Variants in C1RL observed in about 807,000 individuals in gnomAD.
C1RL encodes the protein complement C1r subcomponent-like protein.
In C1RL, 27 loss-of-function variants were observed where a neutral mutation model predicts 27.9. That is an observed-to-expected ratio of 0.97 (90% CI 0.71 to 1.33). The LOEUF (loss-of-function observed/expected upper bound fraction) is 1.33. C1RL is among the 40% of genes most tolerant of loss of function. The probability of loss-of-function intolerance (pLI) is 0.00; values close to 1 mark genes in which losing one functional copy is unlikely to be tolerated. For missense variants in C1RL, 563 were observed against 623.9 expected (o/e 0.90, Z 1.04); for synonymous variants, 248 against 252.1 (o/e 0.98, Z 0.15).
In C1RL at chr12:7,094,932, A is replaced by C; in HGVS notation, c.*1459T>G. On this transcript the variant is annotated 3_prime_UTR_variant, in exon 6 of 6. Transcript: ENST00000266542. ...ACTGTATGTGGGTGTAAAAAACAGA[A>C]GTAATCACATGTATGTACAACTTTG... 1.8e-6 allele frequency: 2 copies of C among 1,085,054 alleles called. No individual in the cohort carries two copies. The highest frequency in any genetic ancestry group is 2.3e-6 in the Non-Finnish European group (2 of 887,790). The allele number at this position is 1,085,054 out of a possible 1,614,324, so 67.2% of individuals were successfully genotyped here. A position where few individuals can be genotyped will look rare whatever the true frequency, so the allele number is the denominator to read the frequency against.
chr12:7,101,767 G>C (rs1938630967), intron 3 of C1RL, 131 bp downstream of exon 3: 6 of 948,284 alleles, frequency 6.3e-6, no homozygotes, highest in Non-Finnish European at 9.9e-6. Flanking sequence ...GGGCAGGGCT[G>C]GGATCCAGCC....
rs1285742278 is a variant in C1RL, at chr12:7,095,598, C to T, written c.*793G>A. 9.1e-6 allele frequency: 9 copies of T among 985,590 alleles called. No individual in the cohort carries two copies. The South Asian group carries it at 3.8e-4, about 41-fold the overall frequency. 61.1% of individuals were successfully genotyped at this position (985,590 alleles called of 1,614,324 possible). ...CTAGAGGATACCATTTTCGCAGAAG[C>T]AGGAATTCCCAGGGAGGGAAAATGG... On this transcript the variant is annotated 3_prime_UTR_variant, in exon 6 of 6. Transcript: ENST00000266542.
chr12:7,102,174 C>G, intron 2 of C1RL, 87 bp from the exon 3 acceptor site: 1 of 1,387,564 alleles, frequency 7.2e-7, no homozygotes, highest in East Asian at 2.3e-5. Context: ...CTCGGTGTGA[C>G]TCCTGCCCCA....
intron 5 of C1RL, among the ~76,000 whole-genome samples, chr12:7,098,125 G>C (rs1369660146): frequency 2.6e-5 from 4 of 151,968 alleles, no homozygotes; most frequent in African/African-American, 7.2e-5. Context: ...AAAAAAATTA[G>C]CCGGCCGTGG....
chr12:7,097,580 C>T (rs1412917810), intron 5 of C1RL, among the ~76,000 whole-genome samples: 2 of 152,138 alleles, frequency 1.3e-5, no homozygotes, highest in African/African-American at 4.8e-5. Context: ...CCGCGCCTGG[C>T]CGGGATCAGG....
chr12:7,101,984 A>C lies in C1RL; in HGVS notation c.404T>G (p.Leu135Trp), dbSNP rs1358822061. ...QREFVSSGRS[L>W]RLTFRTQPSS... ...AGGCTGTGTGCGGAAGGTCAGCCGC[A>C]AACTCCTCCCTGAGGATACAAACTC... The change falls in exon 3 of 6, where the codon TTG becomes TGG. Residue 135 changes from leucine (L) to tryptophan (W), a missense_variant. Transcript: ENST00000266542. 1 of 1,614,096 alleles carries C rather than the reference A, an allele frequency of 6.2e-7. No individual in the cohort carries two copies. Among genetic ancestry groups the C allele is most frequent in the Non-Finnish European group, 8.5e-7 (1 of 1,180,036 alleles).
intron 3 of C1RL, among the ~76,000 whole-genome samples, chr12:7,101,111 C>CTCCTCCCTCCCTCCTTCTT (rs1938608443): frequency 1.8e-4 from 2 of 11,140 alleles, no homozygotes; most frequent in African/African-American, 7.4e-4. Context: ...CCTTCCTTCC[C>CTCCTCCCTCCCTCCTTCTT]TCCCTCCCTC....
Position 7,096,147 on chromosome 12 carries a change from A to C in C1RL, c.*244T>G. ...GCTTCCCGGGGCCTAGTGCATGAGCACAGGGAGGTAGAGGGTGAGGAGGAG... is the reference window on the plus strand; with the variant it reads ...GCTTCCCGGGGCCTAGTGCATGAGCCCAGGGAGGTAGAGGGTGAGGAGGAG... On this transcript the variant is annotated 3_prime_UTR_variant, in exon 6 of 6. Coordinates refer to ENST00000266542, the MANE Select transcript of C1RL (RefSeq NM_016546.4). 7.7e-7 allele frequency: 1 copy of C among 1,303,282 alleles called. No individual in the cohort carries two copies. Among genetic ancestry groups the C allele is most frequent in the Non-Finnish European group, 9.7e-7 (1 of 1,026,556 alleles). The allele number at this position is 1,303,282 out of a possible 1,614,324, so 80.7% of individuals were successfully genotyped here.
In C1RL at chr12:7,095,050, G is replaced by T; in HGVS notation, c.*1341C>A. 8.6e-7 allele frequency: 1 copy of T among 1,158,164 alleles called. No individual in the cohort carries two copies. Among genetic ancestry groups the T allele is most frequent in the Non-Finnish European group, 1.1e-6 (1 of 926,958 alleles). The allele number at this position is 1,158,164 out of a possible 1,614,324, so 71.7% of individuals were successfully genotyped here. The stretch of plus-strand genomic sequence containing the variant: ...AAATTACCTCTCTTCTCTCTTTTAT[G>T]GTGTTTATTTTCTATTTCCATTGAA... On this transcript the variant is annotated 3_prime_UTR_variant, in exon 6 of 6. Transcript: ENST00000266542.
At chr12:7,108,108 C>T (rs1013418274) in intron 2 of C1RL, 143 bp downstream of exon 2, 63 of 651,380 alleles carry the variant, frequency 9.7e-5, no homozygotes, top group Non-Finnish European at 1.3e-4. Context: ...CACCACTGCT[C>T]CCCGGTAAGC....
At chr12:7,108,518 T>C (rs1938833392) in intron 1 of C1RL, 39 bp from the exon 2 acceptor site, 2 of 1,510,430 alleles carry the variant, frequency 1.3e-6, no homozygotes, top group African/African-American at 1.4e-5. Context: ...GCCGCGCAGC[T>C]ATGGCCGGAA....
chr12:7,096,283 C>T lies in C1RL; in HGVS notation c.*108G>A. 1 of 1,162,240 alleles carries T rather than the reference C, an allele frequency of 8.6e-7. No homozygotes were observed. The highest frequency in any genetic ancestry group is 1.1e-6 in the Non-Finnish European group (1 of 929,200). The allele number at this position is 1,162,240 out of a possible 1,614,324, so 72.0% of individuals were successfully genotyped here. ...ATGTGAATAGGATTTCCCTGCCTCC[C>T]CCAACCCCCCACCCCCAACCCCTAC... On this transcript the variant is annotated 3_prime_UTR_variant, in exon 6 of 6. Coordinates refer to ENST00000266542, the MANE Select transcript of C1RL (RefSeq NM_016546.4).
At chr12:7,097,703 G>A (rs186275371) in intron 5 of C1RL, among the ~76,000 whole-genome samples, 1 of 152,232 alleles carries the variant, frequency 6.6e-6, no homozygotes, top group Non-Finnish European at 1.5e-5. Flanking sequence ...ACAGTGGACT[G>A]AGGGTAGGGA....
Position 7,095,500 on chromosome 12 carries a change from T to TCTGCAAGAA in C1RL, c.*882_*890dup, listed in dbSNP as rs1346278384. On this transcript the variant is annotated 3_prime_UTR_variant, in exon 6 of 6. Transcript: ENST00000266542. Reference sequence around the variant, plus strand: ...TGATGATAGGGGCACAGGTGGGGTGTCTGCAAGAACTTCAGTCCAGTGCTG... The same window carrying TCTGCAAGAA: ...TGATGATAGGGGCACAGGTGGGGTGTCTGCAAGAACTGCAAGAACTTCAGTCCAGTGCTG... 9.1e-6 allele frequency: 9 copies of TCTGCAAGAA among 988,224 alleles called. No individual in the cohort carries two copies. Among genetic ancestry groups the TCTGCAAGAA allele is most frequent in the Non-Finnish European group, 1.1e-5 (9 of 831,526 alleles). The allele number at this position is 988,224 out of a possible 1,614,324, so 61.2% of individuals were successfully genotyped here.
intron 2 of C1RL, among the ~76,000 whole-genome samples, chr12:7,102,784 G>A (rs780466895): frequency 3.3e-5 from 5 of 152,112 alleles, no homozygotes; most frequent in Non-Finnish European, 5.9e-5. Flanking sequence ...TTGCTTCATC[G>A]GGCAGCTTGT....
Position 7,095,189 on chromosome 12 carries a change from C to A in C1RL, c.*1202G>T. On this transcript the variant is annotated 3_prime_UTR_variant, in exon 6 of 6. Transcript: ENST00000266542. ...GGAGTGCAGTGGCGTGATCTTAGCT[C>A]ACTGCAACCTCCGCCTCCCAGGTTC... is the stretch of plus-strand genomic sequence containing the variant. 1.9e-6 allele frequency: 2 copies of A among 1,061,104 alleles called. No individual in the cohort carries two copies. Among genetic ancestry groups the A allele is most frequent in the South Asian group, 1.5e-5 (1 of 66,194 alleles). The allele number at this position is 1,061,104 out of a possible 1,614,324, so 65.7% of individuals were successfully genotyped here.
rs1054477395 is a variant in C1RL, at chr12:7,096,163, T to C, written c.*228A>G. 41 of 1,330,096 alleles carry C rather than the reference T, an allele frequency of 3.1e-5. No homozygotes were observed. The highest frequency in any genetic ancestry group is 3.9e-5 in the Non-Finnish European group (41 of 1,042,274). The allele number at this position is 1,330,096 out of a possible 1,614,324, so 82.4% of individuals were successfully genotyped here. On this transcript the variant is annotated 3_prime_UTR_variant, in exon 6 of 6. Coordinates refer to ENST00000266542, the MANE Select transcript of C1RL (RefSeq NM_016546.4). The stretch of plus-strand genomic sequence containing the variant: ...TGCATGAGCACAGGGAGGTAGAGGG[T>C]GAGGAGGAGCGGTCTGTGGGACTCT...
At position 7,096,281 on chromosome 12, in the gene C1RL, C is replaced by T; in HGVS notation, c.*110G>A. 2.6e-6 allele frequency: 1 copy of T among 389,906 alleles called. No homozygotes were observed. The highest frequency in any genetic ancestry group is 2.9e-5 in the South Asian group (1 of 34,388). 24.2% of individuals were successfully genotyped at this position (389,906 alleles called of 1,614,324 possible). Reference sequence around the variant, plus strand: ...TGATGTGAATAGGATTTCCCTGCCTCCCCCAACCCCCCACCCCCAACCCCT... The same window carrying T: ...TGATGTGAATAGGATTTCCCTGCCTTCCCCAACCCCCCACCCCCAACCCCT... On this transcript the variant is annotated 3_prime_UTR_variant, in exon 6 of 6. Transcript: ENST00000266542.
At chr12:7,101,667 A>C in intron 3 of C1RL, 1 of 537,010 alleles carries the variant, frequency 1.9e-6, no homozygotes, top group Non-Finnish European at 3.4e-6. Context: ...AAATGAGATG[A>C]TCTGCAAACA....
Sources: gnomAD v4.1 joint callset for allele counts (sites outside exome capture counted in the v4.1 genomes callset) on GRCh38, gnomAD v4.1.1 for gene constraint, MANE v1.5 for transcripts, NCBI Gene and HGNC (gene_info 2026-07-23, HGNC 2026-07-21) for gene names.